The following HTR1F variants were observed in gnomAD, a reference collection of about 807,000 sequenced individuals.
HTR1F encodes 5-hydroxytryptamine receptor 1F.
In HTR1F, 17 loss-of-function variants were observed where a neutral mutation model predicts 24.0. The observed-to-expected ratio is 0.71, with a 90% CI of 0.48 to 1.06. The LOEUF is 1.06. Ranked by LOEUF, HTR1F falls within the 50% of genes least tolerant of loss-of-function variation. The pLI is 0.00. For missense variants in HTR1F, 391 were observed against 427.8 expected, an observed-to-expected ratio of 0.91 and a Z score of 0.76; for synonymous variants, 186 against 156.8, an observed-to-expected ratio of 1.19 and a Z score of -1.39.
intron 2 of HTR1F, among the ~76,000 whole-genome samples, chr3:87,850,291 A>C (rs948042519): frequency 3.3e-5 from 5 of 151,956 alleles, no homozygotes; most frequent in East Asian, 1.9e-4. Context: ...AAAAATGATG[A>C]GTTCATGTCC....
At chr3:87,793,552 C>A (rs1703852885) in intron 1 of HTR1F, 1 of 152,018 alleles carries the variant, frequency 6.6e-6, no homozygotes, top group Admixed American at 6.6e-5. Flanking sequence ...AAAGGGGGAT[C>A]CGAGAGACCG....
At chr3:87,894,594 T>C (rs1367660885) in intron 2 of HTR1F, among the ~76,000 whole-genome samples, 4 of 127,046 alleles carry the variant, frequency 3.1e-5, no homozygotes, top group African/African-American at 1.3e-4. Flanking sequence ...TGAGACAGAG[T>C]CTCTCTCTGT....
intron 2 of HTR1F, among the ~76,000 whole-genome samples, chr3:87,956,514 G>T (rs1704947172): frequency 1.3e-5 from 2 of 151,350 alleles, no homozygotes; most frequent in Non-Finnish European, 3.0e-5. Context: ...GAACCAGCTT[G>T]CCAGCTTCTA....
intron 2 of HTR1F, among the ~76,000 whole-genome samples, chr3:87,879,343 G>T (rs1336161115): frequency 2.6e-5 from 4 of 152,098 alleles, no homozygotes; most frequent in African/African-American, 9.7e-5. Context: ...TACAATATAA[G>T]TCTTAGTACT....
At chr3:87,875,913 G>C (rs1705661476) in intron 2 of HTR1F, among the ~76,000 whole-genome samples, 1 of 136,916 alleles carries the variant, frequency 7.3e-6, no homozygotes, top group Non-Finnish European at 1.5e-5. Flanking sequence ...AGAAGAGCAA[G>C]GCTCCGTCTC....
At chr3:87,891,287 GT>G (rs141113583) in intron 2 of HTR1F, among the ~76,000 whole-genome samples, 11,223 of 149,708 alleles carry the variant, frequency 0.075, 493 homozygotes, top group Middle Eastern at 0.11. Flanking sequence ...TAAATTGAGT[GT>G]TTTTTGTTAA....
chr3:87,885,073 T>C (rs1705905157), intron 2 of HTR1F, among the ~76,000 whole-genome samples: 1 of 152,122 alleles, frequency 6.6e-6, no homozygotes, highest in Admixed American at 6.6e-5. Flanking sequence ...TATTCCAAAA[T>C]TGACTACATA....
intron 2 of HTR1F, among the ~76,000 whole-genome samples, chr3:87,959,660 A>G (rs1333188325): frequency 2.0e-5 from 3 of 151,910 alleles, no homozygotes; most frequent in Non-Finnish European, 2.9e-5. Flanking sequence ...GCATTGTTGA[A>G]AGGATTTAAG....
At chr3:87,918,907 C>T (rs12490222) in intron 2 of HTR1F, among the ~76,000 whole-genome samples, 16,727 of 151,876 alleles carry the variant, frequency 0.11, 1,139 homozygotes, top group Non-Finnish European at 0.15. Context: ...ACAAAGGGCC[C>T]GCATAGCCAA....
chr3:87,969,545 GGT>G (rs1705241991), intron 2 of HTR1F, among the ~76,000 whole-genome samples: 1 of 152,180 alleles, frequency 6.6e-6, no homozygotes. Context: ...ATTTTGAATG[GGT>G]GTATTTACCC....
At chr3:87,852,632 C>T (rs12494085) in intron 2 of HTR1F, among the ~76,000 whole-genome samples, 11,733 of 151,446 alleles carry the variant, frequency 0.077, 552 homozygotes, top group Middle Eastern at 0.12. Context: ...ATGTGCACAA[C>T]GTGCAGGTTT....
intron 2 of HTR1F, among the ~76,000 whole-genome samples, chr3:87,971,203 G>A (rs1201055600): frequency 6.6e-6 from 1 of 152,148 alleles, no homozygotes; most frequent in African/African-American, 2.4e-5. Flanking sequence ...AAGATACTTG[G>A]AAAAGTATGT....
intron 2 of HTR1F, among the ~76,000 whole-genome samples, chr3:87,964,076 C>A (rs1432462827): frequency 6.6e-6 from 1 of 152,124 alleles, no homozygotes; most frequent in Admixed American, 6.6e-5. Context: ...CCTCTAACAC[C>A]CTCACAAGCC....
chr3:87,894,563 T>A (rs1452646344), intron 2 of HTR1F, among the ~76,000 whole-genome samples: 1 of 138,314 alleles, frequency 7.2e-6, no homozygotes, highest in East Asian at 2.1e-4. Context: ...CAGCCTCTTT[T>A]TTTTTTTTTT....
At chr3:87,978,244 A>G (rs2062882767) in intron 2 of HTR1F, among the ~76,000 whole-genome samples, 2 of 152,200 alleles carry the variant, frequency 1.3e-5, no homozygotes, top group African/African-American at 2.4e-5. Flanking sequence ...AGAGGGTGTC[A>G]TCTCGAGTGC....
intron 2 of HTR1F, among the ~76,000 whole-genome samples, chr3:87,902,811 A>C (rs992853183): frequency 7.5e-6 from 1 of 132,668 alleles, no homozygotes; most frequent in African/African-American, 2.9e-5. Context: ...ATGTGTTCTC[A>C]TTGTTCAATT....
intron 2 of HTR1F, among the ~76,000 whole-genome samples, chr3:87,833,047 A>C (rs1314325745): frequency 2.0e-5 from 3 of 152,208 alleles, no homozygotes; most frequent in Non-Finnish European, 4.4e-5. Context: ...GCTGTCAAGG[A>C]AAAGCTACAT....
At chr3:87,829,115 A>G (rs542973055) in intron 2 of HTR1F, among the ~76,000 whole-genome samples, 2 of 151,816 alleles carry the variant, frequency 1.3e-5, no homozygotes, top group East Asian at 3.9e-4. Flanking sequence ...GGAGACTTCT[A>G]TGGCTGTTGC....
chr3:87,919,217 A>G (rs1190115001), intron 2 of HTR1F, among the ~76,000 whole-genome samples: 1 of 152,152 alleles, frequency 6.6e-6, no homozygotes, highest in African/African-American at 2.4e-5. Flanking sequence ...TTATATAAAA[A>G]TCATTCAAGA....
Sources: allele counts gnomAD v4.1 joint callset (sites outside exome capture counted in the v4.1 genomes callset), GRCh38; gene constraint gnomAD v4.1.1; transcripts MANE v1.5; gene names NCBI Gene and HGNC (gene_info 2026-07-23, HGNC 2026-07-21).